Variants in MKX observed in about 807,000 individuals in gnomAD.
MKX encodes homeobox protein Mohawk.
A neutral mutation model predicts 36.0 loss-of-function variants in MKX; 13 were observed. The ratio of observed to expected loss-of-function variants is 0.36; its 90% confidence interval spans 0.24 to 0.57. The LOEUF is 0.57. Ranked by LOEUF, MKX falls within the 20% of genes least tolerant of loss-of-function variation. The pLI is 0.79. For missense variants in MKX, 458 were observed against 456.4 expected (o/e 1.00, Z -0.03); for synonymous variants, 176 against 178.3 (o/e 0.99, Z 0.10).
chr10:27,745,028 T>A (rs1835020474), intron 1 of MKX: 1 of 152,336 alleles, frequency 6.6e-6, no homozygotes, highest in Non-Finnish European at 1.5e-5. Context: ...TGTTCTACAG[T>A]CAAGACTCGC....
intron 5 of MKX, among the ~76,000 whole-genome samples, chr10:27,688,893 G>A (rs1836403634): frequency 6.6e-6 from 1 of 152,130 alleles, no homozygotes; most frequent in Admixed American, 6.5e-5. Context: ...ACAGCTGAAT[G>A]GTGTTAGGCT....
chr10:27,731,906 G>A (rs1207197172), intron 5 of MKX, among the ~76,000 whole-genome samples: 1 of 152,022 alleles, frequency 6.6e-6, no homozygotes, highest in Non-Finnish European at 1.5e-5. Flanking sequence ...GTTTTTACCA[G>A]GCAATGTTAA....
chr10:27,735,510 T>C lies in MKX; in HGVS notation c.349-136A>G, dbSNP rs141823732. 16 of 600,310 alleles carry C rather than the reference T, an allele frequency of 2.7e-5. No individual in the cohort carries two copies. The East Asian group carries it at 4.9e-4, about 18-fold the overall frequency. The allele number at this position is 600,310 out of a possible 1,614,324, so 37.2% of individuals were successfully genotyped here. A position where few individuals can be genotyped will look rare whatever the true frequency, so the allele number is the denominator to read the frequency against. On this transcript the variant is annotated intron_variant, in intron 3 of 6. Transcript: ENST00000419761. ...TCTCAGGACATAAGAATACCGGACA[T>C]TCGCATCCATTCATTCATTTGACAA...
intron 5 of MKX, among the ~76,000 whole-genome samples, chr10:27,711,475 C>CTTTCTT (rs569642876): frequency 0.026 from 894 of 34,736 alleles, 28 homozygotes; most frequent in African/African-American, 0.08. Flanking sequence ...TTCTTTCTTT[C>CTTTCTT]TTTCTTTCTC....
intron 5 of MKX, among the ~76,000 whole-genome samples, chr10:27,685,557 T>G (rs1836329922): frequency 6.6e-6 from 1 of 151,416 alleles, no homozygotes; most frequent in African/African-American, 2.4e-5. Flanking sequence ...CACGCCATTC[T>G]CCTGCCTCAG....
chr10:27,695,249 T>C (rs1836533288), intron 5 of MKX, among the ~76,000 whole-genome samples: 1 of 152,050 alleles, frequency 6.6e-6, no homozygotes, highest in African/African-American at 2.4e-5. Context: ...AGACATCTAC[T>C]GAACATAGAA....
intron 5 of MKX, among the ~76,000 whole-genome samples, chr10:27,733,431 C>T (rs1456177707): frequency 6.6e-6 from 1 of 152,046 alleles, no homozygotes; most frequent in Non-Finnish European, 1.5e-5. Flanking sequence ...CCTAGTATAC[C>T]ATAACTACTC....
At chr10:27,739,466 A>G (rs1564368077) in intron 3 of MKX, among the ~76,000 whole-genome samples, 1 of 152,098 alleles carries the variant, frequency 6.6e-6, no homozygotes, top group Non-Finnish European at 1.5e-5. Context: ...AAGAGAAAAA[A>G]AGTGTTTTGA....
At chr10:27,675,582 T>G in intron 5 of MKX, 28 bp from the exon 6 acceptor site, 1 of 1,604,268 alleles carries the variant, frequency 6.2e-7, no homozygotes, top group South Asian at 1.1e-5. Context: ...AATTCAATTA[T>G]TTTTATGTTT....
rs572819217 is a variant in MKX, at chr10:27,708,112, T to A, written c.838+26344A>T. Among the ~76,000 whole-genome samples, 445 of 152,122 alleles carry A rather than the reference T, an allele frequency of 2.9e-3. 3 individuals are homozygous for A. Among genetic ancestry groups the A allele is most frequent in the African/African-American group, 8.6e-3 (357 of 41,510 alleles). Reference sequence around the variant, plus strand: ...GTTACTTCTCTTAGTTGATTTAATTTAAAAAAAACTAAGAAATCCTTCCAA... The same window carrying A: ...GTTACTTCTCTTAGTTGATTTAATTAAAAAAAAACTAAGAAATCCTTCCAA... On this transcript the variant is annotated intron_variant, in intron 5 of 6. Transcript: ENST00000419761.
chr10:27,726,236 C>G (rs1272887212), intron 5 of MKX, among the ~76,000 whole-genome samples: 1 of 152,168 alleles, frequency 6.6e-6, no homozygotes, highest in Non-Finnish European at 1.5e-5. Context: ...TGTATGGGAT[C>G]TTTGCTCTTG....
At chr10:27,686,285 T>C (rs573287645) in intron 5 of MKX, among the ~76,000 whole-genome samples, 2 of 151,918 alleles carry the variant, frequency 1.3e-5, no homozygotes, top group East Asian at 3.9e-4. Context: ...AGCTAAATTA[T>C]TTATCCTCGG....
intron 5 of MKX, among the ~76,000 whole-genome samples, chr10:27,694,553 G>A (rs1177692745): frequency 2.4e-5 from 3 of 125,708 alleles, no homozygotes; most frequent in Non-Finnish European, 5.3e-5. Flanking sequence ...TAAATTAGCC[G>A]AGTGTGTGGC....
intron 5 of MKX, among the ~76,000 whole-genome samples, chr10:27,708,549 GT>G (rs1436797747): frequency 3.9e-5 from 6 of 152,120 alleles, no homozygotes; most frequent in Non-Finnish European, 7.3e-5. Context: ...GACCAACATG[GT>G]GAAACCCCAT....
At chr10:27,718,669 G>A in intron 5 of MKX, 1 of 325,400 alleles carries the variant, frequency 3.1e-6, no homozygotes. Flanking sequence ...GTATCCACTT[G>A]GACTCCAGTC....
chr10:27,689,114 A>G (rs1205311150), intron 5 of MKX, among the ~76,000 whole-genome samples: 1 of 152,196 alleles, frequency 6.6e-6, no homozygotes, highest in Non-Finnish European at 1.5e-5. Context: ...ATGCTTTTCA[A>G]ATTCCTCAAA....
chr10:27,743,669 C>T (rs1398830822), intron 1 of MKX, 172 bp from the exon 2 acceptor site: 5 of 489,970 alleles, frequency 1.0e-5, no homozygotes, highest in Admixed American at 4.5e-5. Flanking sequence ...CACGCCCCCG[C>T]CCCTGCAGGT....
At chr10:27,678,736 CT>C (rs1836200181) in intron 5 of MKX, among the ~76,000 whole-genome samples, 2 of 152,174 alleles carry the variant, frequency 1.3e-5, no homozygotes, top group Non-Finnish European at 2.9e-5. Flanking sequence ...GAGGAGTCAA[CT>C]TGTATGTCTT....
intron 3 of MKX, among the ~76,000 whole-genome samples, chr10:27,736,008 C>T (rs1481808620): frequency 5.9e-5 from 9 of 152,060 alleles, no homozygotes; most frequent in African/African-American, 2.2e-4. Context: ...ATGTGTTTGG[C>T]TTGGGCAATG....
Sources: allele counts gnomAD v4.1 joint callset (sites outside exome capture counted in the v4.1 genomes callset), GRCh38; gene constraint gnomAD v4.1.1; transcripts MANE v1.5; gene names NCBI Gene and HGNC (gene_info 2026-07-23, HGNC 2026-07-21).